Variants in SLC25A48 observed in about 807,000 individuals in gnomAD.
SLC25A48 encodes solute carrier family 25 member 48.
Under a neutral mutation model 32.2 loss-of-function variants are expected in SLC25A48, and 29 were observed. That is an observed-to-expected ratio of 0.90 (90% CI 0.67 to 1.23). The LOEUF (loss-of-function observed/expected upper bound fraction) is 1.23, where lower values mean the gene tolerates loss of function less well. Among genes scored for constraint, SLC25A48 ranks in the 50% most tolerant of loss-of-function variants. The pLI, the probability that SLC25A48 is intolerant of heterozygous loss-of-function variation, is 0.00. For synonymous variants in SLC25A48, 164 were observed against 172.3 expected (o/e 0.95, Z 0.38); for missense variants, 399 against 422.7 (o/e 0.94, Z 0.49).
intron 3 of SLC25A48, among the ~76,000 whole-genome samples, chr5:135,751,705 G>T (rs375663224): frequency 6.6e-6 from 1 of 152,114 alleles, no homozygotes; most frequent in East Asian, 1.9e-4. Context: ...ATGGTGGTGC[G>T]TGCCTGTAGT....
intron 3 of SLC25A48, among the ~76,000 whole-genome samples, chr5:135,799,079 C>T (rs912291353): frequency 1.3e-5 from 2 of 151,678 alleles, no homozygotes; most frequent in Admixed American, 6.6e-5. Context: ...AAAGAATGTA[C>T]ACCACTTTGG....
chr5:135,816,728 C>A (rs1247164222), intron 4 of SLC25A48, among the ~76,000 whole-genome samples: 1 of 151,982 alleles, frequency 6.6e-6, no homozygotes, highest in Non-Finnish European at 1.5e-5. Flanking sequence ...CTATAAACAA[C>A]AAGAAAACTG....
At chr5:135,765,714 G>T (rs1756198666) in intron 3 of SLC25A48, among the ~76,000 whole-genome samples, 2 of 149,990 alleles carry the variant, frequency 1.3e-5, no homozygotes, top group South Asian at 4.3e-4. Flanking sequence ...GGTGATATTA[G>T]TTTCTATATC....
In SLC25A48 at chr5:135,852,780, T is replaced by C; in HGVS notation, c.380T>C (p.Ile127Thr). The change falls in exon 4 of 8, where the codon ATC (isoleucine) becomes ACC (threonine). Residue 127 changes from isoleucine (I) to threonine (T), a missense_variant. Physicochemically the swap from Ile to Thr is moderately conservative, Grantham distance 89. Coordinates refer to ENST00000681962, the MANE Select transcript of SLC25A48 (RefSeq NM_001349336.2). ...GGGCTGGGAGGGCCCGTGGACCTCATCAAGATCCGGTTGCAGATGCAGACA... is the reference window on the plus strand; with the variant it reads ...GGGCTGGGAGGGCCCGTGGACCTCACCAAGATCCGGTTGCAGATGCAGACA... ...SVGLGGPVDLIKIRLQMQTQP... is the reference protein window; with the variant it reads ...SVGLGGPVDLTKIRLQMQTQP... The C allele has an allele frequency of 6.2e-7, 1 of 1,613,478 alleles. No homozygotes were observed. Among genetic ancestry groups the C allele is most frequent in the South Asian group, 1.1e-5 (1 of 91,058 alleles).
At chr5:135,801,560 A>G (rs1561500153) in intron 3 of SLC25A48, among the ~76,000 whole-genome samples, 1 of 151,014 alleles carries the variant, frequency 6.6e-6, no homozygotes, top group Non-Finnish European at 1.5e-5. Flanking sequence ...TTCTTATTAG[A>G]CAAAGGGATG....
At chr5:135,681,629 C>T (rs1753899368) in intron 3 of SLC25A48, among the ~76,000 whole-genome samples, 1 of 152,146 alleles carries the variant, frequency 6.6e-6, no homozygotes, top group African/African-American at 2.4e-5. Context: ...GCTTGCCAGA[C>T]ATTGTTGATT....
chr5:135,821,409 G>A (rs920843359), intron 4 of SLC25A48, among the ~76,000 whole-genome samples: 2 of 152,160 alleles, frequency 1.3e-5, no homozygotes, highest in Non-Finnish European at 2.9e-5. Context: ...CACCCTGAGC[G>A]GACTGAGGCA....
At chr5:135,715,383 G>T (rs1036578752) in intron 3 of SLC25A48, among the ~76,000 whole-genome samples, 1 of 152,218 alleles carries the variant, frequency 6.6e-6, no homozygotes. Context: ...CCCAGTCCTA[G>T]TCAGGGTGGT....
intron 4 of SLC25A48, among the ~76,000 whole-genome samples, chr5:135,819,391 G>A (rs1472104426): frequency 1.3e-5 from 2 of 152,094 alleles, no homozygotes; most frequent in Non-Finnish European, 2.9e-5. Context: ...AATAACAACA[G>A]GGATATATCC....
In SLC25A48 at chr5:135,619,634, A is replaced by G. The variant is rs557594051; in HGVS notation, c.-848-9603A>G. On this transcript the variant is annotated intron_variant, in intron 1 of 10. Transcript: ENST00000646290. ...CACAGTCACTTCTTCCAATGTTTTG[A>G]ATTTGCTTTCATAGGGGACAACTGT... is the stretch of plus-strand genomic sequence containing the variant. Among the ~76,000 whole-genome samples, 3 of 152,120 alleles carry G rather than the reference A, an allele frequency of 2.0e-5. No individual in the cohort carries two copies. In the South Asian group the frequency reaches 6.2e-4, roughly 32 times the overall value.
intron 3 of SLC25A48, among the ~76,000 whole-genome samples, chr5:135,690,987 G>C (rs1185396312): frequency 6.6e-6 from 1 of 151,626 alleles, no homozygotes; most frequent in African/African-American, 2.4e-5. Context: ...ATCCCCAACT[G>C]AGTTTGGAAG....
rs543798575 is a variant in SLC25A48 at position 135,822,145 on chromosome 5, G to A, written c.-117+9219G>A. 6.6e-5 allele frequency: 10 copies of A among 152,322 alleles called. No individual in the cohort carries two copies. The East Asian group carries it at 1.9e-3, about 29-fold the overall frequency. 9.4% of individuals were successfully genotyped at this position (152,322 alleles called of 1,614,324 possible). ...CCCACTGGATGGCAGGAAGGGTAGG[G>A]CCTTAGGTAAGCCCCCCCAACAGAG... is the stretch of plus-strand genomic sequence containing the variant. On this transcript the variant is annotated intron_variant, in intron 4 of 10. Transcript: ENST00000646290.
intron 2 of SLC25A48, among the ~76,000 whole-genome samples, chr5:135,842,991 T>C (rs1305849129): frequency 6.6e-6 from 1 of 152,150 alleles, no homozygotes; most frequent in Non-Finnish European, 1.5e-5. Context: ...TCTGCCTGGA[T>C]TGTGCACAGA....
At chr5:135,851,399 C>T (rs1580988713) in intron 3 of SLC25A48, among the ~76,000 whole-genome samples, 1 of 152,192 alleles carries the variant, frequency 6.6e-6, no homozygotes, top group African/African-American at 2.4e-5. Flanking sequence ...GCTGTTGATT[C>T]TCCTTTTGGC....
At chr5:135,794,548 G>T (rs1188445376) in intron 3 of SLC25A48, among the ~76,000 whole-genome samples, 2 of 151,784 alleles carry the variant, frequency 1.3e-5, no homozygotes, top group Non-Finnish European at 2.9e-5. Context: ...GGGAAAAGAA[G>T]ATGATATTAC....
At chr5:135,617,836 GT>G (rs950528078) in intron 1 of SLC25A48, among the ~76,000 whole-genome samples, 14 of 151,980 alleles carry the variant, frequency 9.2e-5, no homozygotes, top group African/African-American at 3.4e-4. Flanking sequence ...TTTAAAAAAA[GT>G]TTTTTGAGAC....
chr5:135,710,876 C>T (rs1754638063), intron 3 of SLC25A48, among the ~76,000 whole-genome samples: 1 of 8,580 alleles, frequency 1.2e-4, no homozygotes, highest in South Asian at 3.5e-3. Context: ...ATTTCCTCCT[C>T]GAAGTATTTT....
At chr5:135,710,351 C>G (rs1283989637) in intron 3 of SLC25A48, among the ~76,000 whole-genome samples, 4 of 152,230 alleles carry the variant, frequency 2.6e-5, no homozygotes, top group African/African-American at 9.6e-5. Context: ...ACGGCTCCAG[C>G]TCACTAATAT....
At chr5:135,863,554 C>T (rs1042238484) in intron 4 of SLC25A48, among the ~76,000 whole-genome samples, 1 of 152,192 alleles carries the variant, frequency 6.6e-6, no homozygotes, top group East Asian at 1.9e-4. Context: ...ACACTAATAA[C>T]TGCAGTTAAA....
Sources: allele counts gnomAD v4.1 joint callset (sites outside exome capture counted in the v4.1 genomes callset), GRCh38; gene constraint gnomAD v4.1.1; transcripts MANE v1.5; gene names NCBI Gene and HGNC (gene_info 2026-07-23, HGNC 2026-07-21).